The following ACTN2 variants were observed in gnomAD, a reference collection of about 807,000 sequenced individuals.
ACTN2 encodes actinin alpha 2.
ACTN2 carries 39 observed loss-of-function variants against 113.8 expected under a neutral mutation model. The observed-to-expected ratio is 0.34, with a 90% CI of 0.27 to 0.45. The LOEUF is 0.45. Ranked by LOEUF, ACTN2 falls within the 20% of genes least tolerant of loss-of-function variation. The pLI, the probability that ACTN2 is intolerant of heterozygous loss-of-function variation, is 1.00. For missense variants in ACTN2, 992 were observed against 1,177.9 expected, an observed-to-expected ratio of 0.84 and a Z score of 2.31; for synonymous variants, 429 against 444.1, an observed-to-expected ratio of 0.97 and a Z score of 0.43.
At position 236,737,128 on chromosome 1, in the gene ACTN2, A is replaced by G; in HGVS notation, c.790A>G (p.Thr264Ala). ...HAFAGAEQAE[T>A]AANRICKVLA... ...TACCTATTGTGTTTTACAGGCCGAG[A>G]CAGCGGCTAACAGGATATGTAAGGT... Residue 264 changes from threonine (T) to alanine (A), a missense_variant, in exon 9 of 21, where the codon ACA becomes GCA. Coordinates refer to ENST00000366578, the MANE Select transcript of ACTN2 (RefSeq NM_001103.4). 1.9e-6 allele frequency: 3 copies of G among 1,600,344 alleles called. No homozygotes were observed. Among genetic ancestry groups the G allele is most frequent in the Non-Finnish European group, 1.7e-6 (2 of 1,171,100 alleles).
chr1:236,745,032 T>C (rs1659185173), intron 12 of ACTN2, among the ~76,000 whole-genome samples: 1 of 152,060 alleles, frequency 6.6e-6, no homozygotes, highest in Non-Finnish European at 1.5e-5. Flanking sequence ...AGATGAGAAA[T>C]AAGTCTGGAA....
In ACTN2 at chr1:236,764,070, T is replaced by A. The variant is rs139476464; in HGVS notation, c.*1451T>A. On this transcript the variant is annotated 3_prime_UTR_variant, in exon 21 of 21. Transcript: ENST00000366578. ...TACCTACAGTCTGTTTGCTCAGATT[T>A]TTATAGATTTCCACCAACAGCTGGA... 9 of 152,324 alleles carry A rather than the reference T, an allele frequency of 5.9e-5. No individual in the cohort carries two copies. Among genetic ancestry groups the A allele is most frequent in the African/African-American group, 2.2e-4 (9 of 41,562 alleles). 9.4% of individuals were successfully genotyped at this position (152,324 alleles called of 1,614,324 possible).
intron 5 of ACTN2, 88 bp from the exon 6 acceptor site, chr1:236,727,590 G>A (rs887106139): frequency 7.1e-7 from 1 of 1,411,192 alleles, no homozygotes; most frequent in African/African-American, 1.4e-5. Flanking sequence ...TCAGACAGAA[G>A]GAAGGCCAAC....
chr1:236,740,734 T>C (rs1292506228), intron 10 of ACTN2, among the ~76,000 whole-genome samples: 1 of 151,868 alleles, frequency 6.6e-6, no homozygotes, highest in East Asian at 1.9e-4. Context: ...GGTTTCACCA[T>C]ATTGGCCAGG....
At chr1:236,695,563 T>TCCCTCCC (rs1657467960) in intron 1 of ACTN2, among the ~76,000 whole-genome samples, 1 of 100,796 alleles carries the variant, frequency 9.9e-6, no homozygotes, top group Non-Finnish European at 1.9e-5. Context: ...TGAAATGAGT[T>TCCCTCCC]CCCCCCCCCT....
intron 11 of ACTN2, 72 bp downstream of exon 11, chr1:236,743,115 C>G (rs1659124203): frequency 1.9e-6 from 3 of 1,551,940 alleles, no homozygotes; most frequent in Non-Finnish European, 2.7e-6. Context: ...ATGATGCATC[C>G]TTACTAACTC....
chr1:236,709,298 G>GTATATATACGTATATATGTATA (rs1456335346), intron 1 of ACTN2, among the ~76,000 whole-genome samples: 5 of 88,580 alleles, frequency 5.6e-5, no homozygotes, highest in Middle Eastern at 6.2e-3. Context: ...ATGTATATAT[G>GTATATATACGTATATATGTATA]TATATATACG....
At position 236,686,757 on chromosome 1, in the gene ACTN2, C is replaced by T; in HGVS notation, c.84C>T (p.Arg28=). Residue 28 remains arginine, a synonymous_variant, in exon 1 of 21, where the codon CGC becomes CGT. Transcript: ENST00000366578. ...TGATCCAGGAGGAGGAGTGGGACCG[C>T]GACCTGCTCCTGGACCCAGCCTGGG... The part of the protein sequence containing the change: ...EYMIQEEEWD[R]DLLLDPAWEK... 1 of 1,549,832 alleles carries T rather than the reference C, an allele frequency of 6.5e-7. No individual in the cohort carries two copies. The highest frequency in any genetic ancestry group is 8.7e-7 in the Non-Finnish European group (1 of 1,147,342).
chr1:236,692,495 G>A (rs1488089499), intron 1 of ACTN2, among the ~76,000 whole-genome samples: 3 of 152,150 alleles, frequency 2.0e-5, no homozygotes, highest in Admixed American at 2.0e-4. Flanking sequence ...TTGCTGGGAG[G>A]GAGAGGTGGA....
rs1015353949 is a variant in ACTN2, at chr1:236,715,135, A to T, written c.127-2723A>T. ...TGGATTTTTCTTTGAACCCTTTCGTACCACTTGAATTTCTTTTTCCTTTTT... is the reference window on the plus strand; with the variant it reads ...TGGATTTTTCTTTGAACCCTTTCGTTCCACTTGAATTTCTTTTTCCTTTTT... On this transcript the variant is annotated intron_variant, in intron 1 of 20. Coordinates refer to ENST00000366578, the MANE Select transcript of ACTN2 (RefSeq NM_001103.4). Among the ~76,000 whole-genome samples, 62 of 149,790 alleles carry T rather than the reference A, an allele frequency of 4.1e-4. 1 individual carries two copies. The highest frequency in any genetic ancestry group is 1.4e-3 in the African/African-American group (56 of 40,466).
chr1:236,742,000 C>G (rs180872089), intron 10 of ACTN2, among the ~76,000 whole-genome samples: 297 of 152,290 alleles, frequency 2.0e-3, no homozygotes, highest in African/African-American at 6.7e-3. Flanking sequence ...CAGCACATCC[C>G]CTCTTGGGCG....
At chr1:236,720,700 T>G (rs1198138226) in intron 4 of ACTN2, among the ~76,000 whole-genome samples, 5 of 152,156 alleles carry the variant, frequency 3.3e-5, no homozygotes, top group South Asian at 4.1e-4. Context: ...TATCATAGAA[T>G]CTTAATCCTT....
At chr1:236,748,003 T>C (rs1394935722) in intron 13 of ACTN2, 3 of 503,454 alleles carry the variant, frequency 6.0e-6, no homozygotes, top group Non-Finnish European at 1.1e-5. Context: ...TTTTAAAAAA[T>C]CCAGGGGTGA....
chr1:236,751,782 C>G, intron 15 of ACTN2, 130 bp downstream of exon 15: 1 of 1,109,134 alleles, frequency 9.0e-7, no homozygotes, highest in Non-Finnish European at 1.3e-6. Context: ...TTCCTTTATC[C>G]CAAATTTCAC....
rs1488569141 is a variant in ACTN2, at chr1:236,763,835, A to C, written c.*1216A>C. 6.6e-6 allele frequency: 1 copy of C among 152,132 alleles called. No individual in the cohort carries two copies. The highest frequency in any genetic ancestry group is 2.4e-5 in the African/African-American group (1 of 41,416). The allele number at this position is 152,132 out of a possible 1,614,324, so 9.4% of individuals were successfully genotyped here. On this transcript the variant is annotated 3_prime_UTR_variant, in exon 21 of 21. Transcript: ENST00000366578. ...CATGCACTCCTGCTAGCACATCTTG[A>C]TCTGTTGAATGTTCATTCTTTCTTT...
rs2288602 is a variant in ACTN2, at chr1:236,739,565, A to C, written c.1107+33A>C. 0.63 allele frequency: 1,007,231 copies of C among 1,607,840 alleles called. 326,159 individuals are homozygous for C. The highest frequency in any genetic ancestry group is 0.67 in the Non-Finnish European group (788,613 of 1,176,780). ...GCAAGCGCCAAGCCCTCCTGGCGCC[A>C]CGGGAAGCCCTCCTTCTAGCCTAAA... On this transcript the variant is annotated intron_variant, in intron 10 of 20. Coordinates refer to ENST00000366578, the MANE Select transcript of ACTN2 (RefSeq NM_001103.4).
At chr1:236,751,753 T>A (rs1368168124) in intron 15 of ACTN2, 101 bp downstream of exon 15, 1 of 1,393,170 alleles carries the variant, frequency 7.2e-7, no homozygotes, top group Non-Finnish European at 1.0e-6. Context: ...CGGCCTCATT[T>A]TGCATCATGA....
rs1659277745 is a variant in ACTN2 at position 236,747,689 on chromosome 1, G to C, written c.1429G>C (p.Val477Leu). The C allele has an allele frequency of 6.2e-7, 1 of 1,614,004 alleles. No homozygotes were observed. The highest frequency in any genetic ancestry group is 1.3e-5 in the African/African-American group (1 of 74,934). Residue 477 changes from valine to leucine, a missense_variant, in exon 13 of 21, where the codon GTG (valine) becomes CTG (leucine). Physicochemically the swap from Val to Leu is conservative, Grantham distance 32. Transcript: ENST00000366578. Reference protein sequence around the residue: ...ELNELDYHDAVNVNDRCQKIC... With the variant: ...ELNELDYHDALNVNDRCQKIC... ...TAGTGAACTGGACTATCACGACGCTGTGAATGTCAATGATCGGTGCCAGAA... is the reference window on the plus strand; with the variant it reads ...TAGTGAACTGGACTATCACGACGCTCTGAATGTCAATGATCGGTGCCAGAA...
rs35608028 is a variant in ACTN2, at chr1:236,722,634, C to CAAA, written c.448+2458_448+2460dup. On this transcript the variant is annotated intron_variant, in intron 4 of 20. Coordinates refer to ENST00000366578, the MANE Select transcript of ACTN2 (RefSeq NM_001103.4). ...TGGGTAACAGAGCAAGACTCCGTCT[C>CAAA]AAAAAAAAAAAAAAAAAGAAAAAGA... Among the ~76,000 whole-genome samples, 893 of 111,062 alleles carry CAAA rather than the reference C, an allele frequency of 8.0e-3. 32 individuals carry two copies. The highest frequency in any genetic ancestry group is 0.062 in the East Asian group (241 of 3,890). 72.9% of individuals were successfully genotyped at this position (111,062 alleles called of 152,430 possible). A position where few individuals can be genotyped will look rare whatever the true frequency, so the allele number is the denominator to read the frequency against.
Sources: gnomAD v4.1 joint callset for allele counts (sites outside exome capture counted in the v4.1 genomes callset) on GRCh38, gnomAD v4.1.1 for gene constraint, MANE v1.5 for transcripts, NCBI Gene and HGNC (gene_info 2026-07-23, HGNC 2026-07-21) for gene names.